The following FSTL5 variants were observed in gnomAD, a reference collection of about 807,000 sequenced individuals.
FSTL5 encodes the protein follistatin-related protein 5.
Under a neutral mutation model 89.1 loss-of-function variants are expected in FSTL5, and 62 were observed. The ratio of observed to expected loss-of-function variants is 0.70; its 90% CI spans 0.57 to 0.86. FSTL5 has a LOEUF of 0.86. Ranked by LOEUF, FSTL5 falls within the 40% of genes least tolerant of loss-of-function variation. FSTL5 has a pLI of 0.00. For synonymous variants in FSTL5, 383 were observed against 346.2 expected, an observed-to-expected ratio of 1.11 and a Z score of -1.18; for missense variants, 1,057 against 1,001.6, an observed-to-expected ratio of 1.06 and a Z score of -0.75.
intron 15 of FSTL5, among the ~76,000 whole-genome samples, chr4:161,433,118 T>TAA (rs55646334): frequency 2.0e-5 from 3 of 146,730 alleles, no homozygotes; most frequent in Admixed American, 6.8e-5. Context: ...AAAGACACAT[T>TAA]AAAAAAAAAA....
intron 15 of FSTL5, among the ~76,000 whole-genome samples, chr4:161,427,578 C>T (rs774721438): frequency 5.9e-5 from 9 of 152,292 alleles, no homozygotes; most frequent in South Asian, 2.1e-4. Context: ...ACCAGCACCA[C>T]GGTCAGACAA....
chr4:161,497,972 T>C (rs1490781584), intron 12 of FSTL5, among the ~76,000 whole-genome samples: 1 of 151,756 alleles, frequency 6.6e-6, no homozygotes, highest in Non-Finnish European at 1.5e-5. Flanking sequence ...TATTAATATA[T>C]TATGTATATT....
intron 4 of FSTL5, among the ~76,000 whole-genome samples, chr4:161,796,103 T>G (rs1729625102): frequency 6.6e-6 from 1 of 152,004 alleles, no homozygotes; most frequent in South Asian, 2.1e-4. Context: ...TACCTTATTT[T>G]AACACCAAAC....
intron 10 of FSTL5, among the ~76,000 whole-genome samples, chr4:161,519,543 A>G (rs568319200): frequency 6.6e-6 from 1 of 152,030 alleles, no homozygotes; most frequent in Non-Finnish European, 1.5e-5. Flanking sequence ...AACAAAACAA[A>G]ACAAAAAATA....
At chr4:161,766,652 T>C (rs568178760) in intron 5 of FSTL5, among the ~76,000 whole-genome samples, 1 of 152,202 alleles carries the variant, frequency 6.6e-6, no homozygotes, top group Non-Finnish European at 1.5e-5. Flanking sequence ...TTCTTCACCA[T>C]ACTGACTTTA....
intron 4 of FSTL5, among the ~76,000 whole-genome samples, chr4:161,799,758 T>C (rs985982414): frequency 4.0e-5 from 6 of 151,634 alleles, no homozygotes; most frequent in African/African-American, 1.4e-4. Context: ...ACTATGACAA[T>C]AGGTTGTTGA....
At chr4:161,651,975 A>G (rs111876931) in intron 7 of FSTL5, among the ~76,000 whole-genome samples, 220 of 152,340 alleles carry the variant, frequency 1.4e-3, no homozygotes, top group African/African-American at 5.1e-3. Flanking sequence ...TACAAGGGTT[A>G]GAATTATTTG....
At chr4:161,741,447 T>G (rs1386963316) in intron 6 of FSTL5, among the ~76,000 whole-genome samples, 1 of 152,144 alleles carries the variant, frequency 6.6e-6, no homozygotes, top group East Asian at 1.9e-4. Context: ...CTCTAGAAGC[T>G]GAACGCAGCC....
At chr4:161,973,426 C>T (rs1027811919) in intron 3 of FSTL5, among the ~76,000 whole-genome samples, 2 of 152,070 alleles carry the variant, frequency 1.3e-5, no homozygotes, top group South Asian at 2.1e-4. Flanking sequence ...ATATGGAATA[C>T]TTAAGTATTT....
At chr4:162,008,791 C>T (rs552805966) in intron 3 of FSTL5, among the ~76,000 whole-genome samples, 79 of 151,804 alleles carry the variant, frequency 5.2e-4, no homozygotes, top group Non-Finnish European at 9.9e-4. Flanking sequence ...AGGATGATTG[C>T]CTAAACTTGG....
chr4:161,708,287 G>A (rs1230599608), intron 6 of FSTL5, among the ~76,000 whole-genome samples: 3 of 151,770 alleles, frequency 2.0e-5, no homozygotes, highest in East Asian at 1.9e-4. Flanking sequence ...AAATTATTCC[G>A]CTGCCCTGTC....
At chr4:161,785,278 C>A (rs1741860532) in intron 4 of FSTL5, among the ~76,000 whole-genome samples, 2 of 152,124 alleles carry the variant, frequency 1.3e-5, no homozygotes. Flanking sequence ...ATTTTTTCTG[C>A]AAATTTATGT....
At chr4:161,616,244 G>A (rs1220530408) in intron 7 of FSTL5, among the ~76,000 whole-genome samples, 1 of 151,896 alleles carries the variant, frequency 6.6e-6, no homozygotes, top group African/African-American at 2.4e-5. Flanking sequence ...TCGCCACCAT[G>A]CCCGCTAATC....
At position 161,633,342 on chromosome 4, in the gene FSTL5, G is replaced by A. The variant is rs1004228173; in HGVS notation, c.894+22986C>T. Among the ~76,000 whole-genome samples, 28 of 137,590 alleles carry A rather than the reference G, an allele frequency of 2.0e-4. 1 individual carries two copies. The highest frequency in any genetic ancestry group is 3.6e-4 in the Non-Finnish European group (23 of 64,118). 90.3% of individuals were successfully genotyped at this position (137,590 alleles called of 152,430 possible). On this transcript the variant is annotated intron_variant, in intron 7 of 15. Coordinates refer to ENST00000306100, the MANE Select transcript of FSTL5 (RefSeq NM_020116.5). ...TATTATTATTATACTTTACATTTTA[G>A]GGTACATGTGCACAACGAGACCAAG...
chr4:161,651,229 T>C (rs1244701712), intron 7 of FSTL5, among the ~76,000 whole-genome samples: 1 of 151,598 alleles, frequency 6.6e-6, no homozygotes, highest in East Asian at 1.9e-4. Context: ...GGCAGATTCA[T>C]CCAGCTGAGT....
At chr4:161,783,686 T>C (rs371305804) in intron 4 of FSTL5, among the ~76,000 whole-genome samples, 3,513 of 24,118 alleles carry the variant, frequency 0.15, 84 homozygotes, top group Non-Finnish European at 0.17. Flanking sequence ...TCTCTTTCTT[T>C]CTTTCTTTCT....
At chr4:162,004,790 G>C (rs1435700202) in intron 3 of FSTL5, among the ~76,000 whole-genome samples, 1 of 152,108 alleles carries the variant, frequency 6.6e-6, no homozygotes, top group Non-Finnish European at 1.5e-5. Flanking sequence ...CTCTATAAAA[G>C]TAGTAATGAT....
intron 6 of FSTL5, among the ~76,000 whole-genome samples, chr4:161,705,952 GTATATATATATATATATA>G (rs1206067350): frequency 2.0e-4 from 6 of 30,662 alleles, no homozygotes; most frequent in African/African-American, 7.3e-4. Flanking sequence ...GTAGATGTGT[GTATATATATATATATATA>G]TATATATATA....
chr4:161,450,770 T>A (rs1346115020), intron 15 of FSTL5, among the ~76,000 whole-genome samples: 4 of 145,652 alleles, frequency 2.7e-5, no homozygotes, highest in Non-Finnish European at 6.0e-5. Flanking sequence ...TGAGACAGAG[T>A]CTCACTCTGT....
Sources: gnomAD v4.1 joint callset for allele counts (sites outside exome capture counted in the v4.1 genomes callset) on GRCh38, gnomAD v4.1.1 for gene constraint, MANE v1.5 for transcripts, NCBI Gene and HGNC (gene_info 2026-07-23, HGNC 2026-07-21) for gene names.